SRD5A3: variants seen among roughly 807,000 people sequenced by gnomAD.
The protein encoded by SRD5A3 is steroid 5 alpha-reductase 3.
A neutral mutation model predicts 34.3 loss-of-function variants in SRD5A3; 24 were observed. That is an observed-to-expected ratio of 0.70 (90% CI 0.51 to 0.99). SRD5A3 has a LOEUF of 0.99. Among genes scored for constraint, SRD5A3 ranks in the 50% least tolerant of loss-of-function variants. The pLI is 0.00. For missense variants in SRD5A3, 350 were observed against 388.2 expected (o/e 0.90, Z 0.83); for synonymous variants, 161 against 167.3 (o/e 0.96, Z 0.29).
Position 55,359,346 on chromosome 4 carries a change from A to G in SRD5A3, c.222A>G (p.Arg74=), listed in dbSNP as rs545040588. 1.5e-5 allele frequency: 24 copies of G among 1,613,936 alleles called. No individual in the cohort carries two copies. In the South Asian group the frequency reaches 1.9e-4, roughly 13 times the overall value. The change falls in exon 2 of 5, where the codon AGA becomes AGG. Residue 74 remains arginine, a splice_region_variant and synonymous_variant. Coordinates refer to ENST00000264228, the MANE Select transcript of SRD5A3 (RefSeq NM_024592.5). Reference sequence around the variant, plus strand: ...TGCCTCGCTTGTTTTCCTTTTGCAGATATTTTTCCCACTTTTATATCATCT... The same window carrying G: ...TGCCTCGCTTGTTTTCCTTTTGCAGGTATTTTTCCCACTTTTATATCATCT... ...AACRAFDVPK[R]YFSHFYIISV...
At position 55,346,408 on chromosome 4, in the gene SRD5A3, C is replaced by T. The variant is rs1005973162; in HGVS notation, c.72C>T (p.Ala24=). 2 of 1,595,526 alleles carry T rather than the reference C, an allele frequency of 1.3e-6. No homozygotes were observed. Among genetic ancestry groups the T allele is most frequent in the Non-Finnish European group, 8.5e-7 (1 of 1,172,544 alleles). Residue 24 remains alanine, a synonymous_variant, in exon 1 of 5, where the codon GCC becomes GCT. Transcript: ENST00000264228. ...PLRAVWLTLT[A]AFLLTLLLQL... ...GCGCGGTGTGGCTCACGCTGACCGC[C>T]GCCTTCCTGCTGACCCTACTGCTGC...
intron 4 of SRD5A3, among the ~76,000 whole-genome samples, chr4:55,367,928 T>G (rs565007904): frequency 6.6e-6 from 1 of 152,302 alleles, no homozygotes; most frequent in South Asian, 2.1e-4. Context: ...CAAGTAGCCC[T>G]GACATTCTGT....
chr4:55,356,000 A>ATTTTTTTTTTTTTTTTTTTTTTTTTTTT (rs10648522), intron 1 of SRD5A3, among the ~76,000 whole-genome samples: 3 of 74,294 alleles, frequency 4.0e-5, no homozygotes, highest in Non-Finnish European at 7.0e-5. Context: ...TTTTGCCTCC[A>ATTTTTTTTTTTTTTTTTTTTTTTTTTTT]TTTTTTTTTT....
At position 55,363,118 on chromosome 4, in the gene SRD5A3, A is replaced by T. The variant is rs575850988; in HGVS notation, c.365-956A>T. ...CGCCTCCAACTCCCAAAGTGGTAGG[A>T]TTACAGGCATGAGCCATCGCCCCCG... On this transcript the variant is annotated intron_variant, in intron 2 of 4. Coordinates refer to ENST00000264228, the MANE Select transcript of SRD5A3 (RefSeq NM_024592.5). 7.9e-5 allele frequency among the ~76,000 whole-genome samples: 12 copies of T among 151,678 alleles called. No individual in the cohort carries two copies. In the South Asian group the frequency reaches 2.5e-3, roughly 32 times the overall value.
intron 3 of SRD5A3, chr4:55,366,645 C>T (rs1283755174): frequency 4.6e-5 from 7 of 152,248 alleles, no homozygotes; most frequent in African/African-American, 1.7e-4. Context: ...ATTCCTGCTT[C>T]GAGGTGGCCA....
Position 55,346,269 on chromosome 4 carries a change from G to A in SRD5A3, c.-68G>A, listed in dbSNP as rs1025519474. 2 of 1,313,554 alleles carry A rather than the reference G, an allele frequency of 1.5e-6. No homozygotes were observed. The highest frequency in any genetic ancestry group is 3.1e-5 in the East Asian group (1 of 31,818). The allele number at this position is 1,313,554 out of a possible 1,614,324, so 81.4% of individuals were successfully genotyped here. A position where few individuals can be genotyped will look rare whatever the true frequency, so the allele number is the denominator to read the frequency against. On this transcript the variant is annotated 5_prime_UTR_variant, in exon 1 of 5. The change creates a new upstream start codon in the 5' untranslated region. Transcript: ENST00000264228. ...GCTGAGACCGGTGCGCCGCGCGCTA[G>A]TGGCCGCTCTTCCGCGGGCTAGCGG... is the stretch of plus-strand genomic sequence containing the variant.
chr4:55,368,606 A>T (rs1412473215), intron 4 of SRD5A3, among the ~76,000 whole-genome samples: 1 of 151,110 alleles, frequency 6.6e-6, no homozygotes, highest in Admixed American at 6.6e-5. Context: ...TGTATTTTTT[A>T]GTACAGACAA....
chr4:55,359,478 A>C lies in SRD5A3; in HGVS notation c.354A>C (p.Ala118=). 1.2e-6 allele frequency: 2 copies of C among 1,614,064 alleles called. No homozygotes were observed. The highest frequency in any genetic ancestry group is 1.7e-6 in the Non-Finnish European group (2 of 1,180,024). ...GTTTGCTCAGAATTCTCGGGGCGGC[A>C]CAGTTCCAGGGTAAGGACTCCCTGG... The part of the protein sequence containing the change: ...LHGLLRILGA[A]QFQGGELALS... Residue 118 remains alanine (A), a synonymous_variant, in exon 2 of 5, where the codon GCA becomes GCC. Coordinates refer to ENST00000264228, the MANE Select transcript of SRD5A3 (RefSeq NM_024592.5).
At chr4:55,351,851 A>C in intron 1 of SRD5A3, 1 of 571,250 alleles carries the variant, frequency 1.8e-6, no homozygotes, top group South Asian at 1.5e-5. Context: ...GCATTCATTC[A>C]ATGTTGTATC....
intron 2 of SRD5A3, among the ~76,000 whole-genome samples, chr4:55,360,375 A>C (rs1340352055): frequency 6.8e-6 from 1 of 146,566 alleles, no homozygotes; most frequent in East Asian, 2.1e-4. Flanking sequence ...GTGTGGTGGC[A>C]GGCGCTTGTA....
chr4:55,370,482 T>C lies in SRD5A3; in HGVS notation c.*391T>C. The C allele has an allele frequency of 3.8e-6, 1 of 262,738 alleles. No individual in the cohort carries two copies. The highest frequency in any genetic ancestry group is 7.2e-6 in the Non-Finnish European group (1 of 139,830). 16.3% of individuals were successfully genotyped at this position (262,738 alleles called of 1,614,324 possible). A position where few individuals can be genotyped will look rare whatever the true frequency, so the allele number is the denominator to read the frequency against. ...ACACACACACACACACAAAGGAAGA[T>C]CATCAATGGCTGCGGTAGCCTAGTA... On this transcript the variant is annotated 3_prime_UTR_variant, in exon 5 of 5. Transcript: ENST00000264228.
intron 1 of SRD5A3, among the ~76,000 whole-genome samples, chr4:55,351,525 A>C (rs960232734): frequency 1.6e-4 from 23 of 142,338 alleles, no homozygotes; most frequent in Non-Finnish European, 3.3e-4. Context: ...CAAAAAATAC[A>C]AAAAAAAAAA....
chr4:55,361,643 A>G (rs1719689256), intron 2 of SRD5A3, among the ~76,000 whole-genome samples: 1 of 152,068 alleles, frequency 6.6e-6, no homozygotes. Flanking sequence ...TCTCTACTAA[A>G]AATACAAAAA....
chr4:55,370,495 C>T lies in SRD5A3; in HGVS notation c.*404C>T, dbSNP rs1342258467. 5.2e-5 allele frequency: 14 copies of T among 266,962 alleles called. No homozygotes were observed. The highest frequency in any genetic ancestry group is 7.9e-5 in the Non-Finnish European group (11 of 138,862). 16.5% of individuals were successfully genotyped at this position (266,962 alleles called of 1,614,324 possible). On this transcript the variant is annotated 3_prime_UTR_variant, in exon 5 of 5. Coordinates refer to ENST00000264228, the MANE Select transcript of SRD5A3 (RefSeq NM_024592.5). ...CACAAAGGAAGATCATCAATGGCTGCGGTAGCCTAGTAGGAATGGACTATA... is the reference window on the plus strand; with the variant it reads ...CACAAAGGAAGATCATCAATGGCTGTGGTAGCCTAGTAGGAATGGACTATA...
At chr4:55,365,094 T>C (rs1270542087) in intron 3 of SRD5A3, among the ~76,000 whole-genome samples, 1 of 151,970 alleles carries the variant, frequency 6.6e-6, no homozygotes, top group African/African-American at 2.4e-5. Context: ...TGGGAATGAG[T>C]TTATAGTGCT....
At chr4:55,364,363 C>G in intron 3 of SRD5A3, 92 bp downstream of exon 3, 2 of 1,413,748 alleles carry the variant, frequency 1.4e-6, no homozygotes, top group Non-Finnish European at 2.0e-6. Context: ...ATGAGACATG[C>G]AGAAGTAAGA....
chr4:55,357,906 G>A (rs1401818663), intron 1 of SRD5A3, among the ~76,000 whole-genome samples: 3 of 152,154 alleles, frequency 2.0e-5, no homozygotes, highest in South Asian at 2.1e-4. Context: ...TTGGCAGAGT[G>A]GAGTGGGTTG....
At chr4:55,361,803 A>T (rs1366307132) in intron 2 of SRD5A3, among the ~76,000 whole-genome samples, 2 of 150,806 alleles carry the variant, frequency 1.3e-5, no homozygotes, top group Non-Finnish European at 3.0e-5. Context: ...GACTCCATCT[A>T]AAAAAAAAGA....
rs1348893860 is a variant in SRD5A3 at position 55,364,204 on chromosome 4, T to G, written c.495T>G (p.Phe165Leu). 1.1e-5 allele frequency: 18 copies of G among 1,614,084 alleles called. No individual in the cohort carries two copies. The Middle Eastern group carries it at 4.9e-4, about 44-fold the overall frequency. ...TGATTCACGTCGTGCAGTACTGTTT[T>G]GGACTTGTCTATTATGTCCTTGTTG... ...NVMIHVVQYC[F>L]GLVYYVLVGL... The change falls in exon 3 of 5, where the codon TTT becomes TTG. Residue 165 changes from phenylalanine (F) to leucine (L), a missense_variant. Phe to Leu is a conservative substitution (Grantham distance 22, BLOSUM62 0). Around this residue, in one of 3 missense-constraint regions of SRD5A3, gnomAD observed 186 missense variants for 221.4 expected, o/e 0.84. Coordinates refer to ENST00000264228, the MANE Select transcript of SRD5A3 (RefSeq NM_024592.5).
Sources: gnomAD v4.1 joint callset for allele counts (sites outside exome capture counted in the v4.1 genomes callset) on GRCh38, gnomAD v4.1.1 for gene constraint, gnomAD v4.1.1 regional missense constraint, MANE v1.5 for transcripts, NCBI Gene and HGNC (gene_info 2026-07-23, HGNC 2026-07-21) for gene names.